The following JHY variants were observed in gnomAD, a reference collection of about 807,000 sequenced individuals.
JHY encodes the protein jhy protein homolog.
In JHY, 69 loss-of-function variants were observed where a neutral mutation model predicts 78.0. That is an observed-to-expected ratio of 0.88 (90% CI 0.73 to 1.08). The LOEUF is 1.08. Ranked by LOEUF, JHY falls within the 50% of genes least tolerant of loss-of-function variation. The pLI, the probability that JHY is intolerant of heterozygous loss-of-function variation, is 0.00. For synonymous variants in JHY, 368 were observed against 342.6 expected (o/e 1.07, Z -0.82); for missense variants, 944 against 927.8 (o/e 1.02, Z -0.23).
rs1227365732 is a variant in JHY at position 122,924,913 on chromosome 11, G to C, written c.881G>C (p.Arg294Thr). 2 of 1,613,690 alleles carry C rather than the reference G, an allele frequency of 1.2e-6. No homozygotes were observed. The highest frequency in any genetic ancestry group is 2.2e-5 in the East Asian group (1 of 44,870). Residue 294 changes from arginine to threonine, a missense_variant, in exon 4 of 9, where the codon AGA becomes ACA. Transcript: ENST00000227349. The stretch of plus-strand genomic sequence containing the variant: ...CCTACCTAGATCTCCTACCCCGTCA[G>C]AGTAACAGACAAGACGTCTATTCAG... ...SHPEQISYPV[R>T]VTDKTSIQNA...
intron 3 of JHY, among the ~76,000 whole-genome samples, chr11:122,915,999 A>G (rs1335225439): frequency 2.0e-5 from 3 of 151,936 alleles, no homozygotes; most frequent in East Asian, 1.9e-4. Context: ...TGGAGGTAAA[A>G]GGCAGAATGA....
rs1863462749 is a variant in JHY at position 122,924,927 on chromosome 11, A to G, written c.895A>G (p.Thr299Ala). 6.2e-7 allele frequency: 1 copy of G among 1,613,984 alleles called. No homozygotes were observed. Among genetic ancestry groups the G allele is most frequent in the Non-Finnish European group, 8.5e-7 (1 of 1,179,886 alleles). The change falls in exon 4 of 9, where the codon ACG (threonine) becomes GCG (alanine). Residue 299 changes from threonine (T) to alanine (A), a missense_variant. Thr to Ala is a moderately conservative substitution (Grantham distance 58). Coordinates refer to ENST00000227349, the MANE Select transcript of JHY (RefSeq NM_024806.4). Reference protein sequence around the residue: ...ISYPVRVTDKTSIQNAKEMEN... With the variant: ...ISYPVRVTDKASIQNAKEMEN... ...CTACCCCGTCAGAGTAACAGACAAG[A>G]CGTCTATTCAGAATGCCAAGGAAAT...
intron 3 of JHY, among the ~76,000 whole-genome samples, chr11:122,907,238 A>G (rs894728613): frequency 6.7e-6 from 1 of 150,318 alleles, no homozygotes; most frequent in Non-Finnish European, 1.5e-5. Flanking sequence ...AGTCAGTAGC[A>G]TAAACTGATG....
chr11:122,933,447 T>G (rs77423804), intron 4 of JHY, among the ~76,000 whole-genome samples: 1 of 152,384 alleles, frequency 6.6e-6, no homozygotes, highest in South Asian at 2.1e-4. Flanking sequence ...GCTTTATTCC[T>G]TGGAAAATAT....
chr11:122,944,968 T>C (rs1863935378), intron 5 of JHY, among the ~76,000 whole-genome samples: 1 of 152,160 alleles, frequency 6.6e-6, no homozygotes, highest in South Asian at 2.1e-4. Context: ...AGGTATGAAA[T>C]TTTTAATTCT....
At chr11:122,919,798 G>A (rs1033148108) in intron 3 of JHY, among the ~76,000 whole-genome samples, 4 of 152,126 alleles carry the variant, frequency 2.6e-5, no homozygotes, top group Non-Finnish European at 5.9e-5. Context: ...GGCTAACATG[G>A]CGAAACCCCG....
intron 2 of JHY, among the ~76,000 whole-genome samples, chr11:122,890,300 C>A (rs1862584075): frequency 6.6e-6 from 1 of 152,066 alleles, no homozygotes; most frequent in African/African-American, 2.4e-5. Context: ...CTATCATGAT[C>A]CCATTTTGAA....
chr11:122,948,810 G>A (rs892192560), intron 6 of JHY, among the ~76,000 whole-genome samples: 4 of 152,174 alleles, frequency 2.6e-5, no homozygotes, highest in Non-Finnish European at 5.9e-5. Flanking sequence ...AGCAGGCTGG[G>A]CGCGGTGGCT....
rs779370481 is a variant in JHY at position 122,886,188 on chromosome 11, T to C, written c.339T>C (p.Asn113=). Residue 113 remains asparagine (N), a synonymous_variant, in exon 2 of 9, where the codon AAT becomes AAC. Transcript: ENST00000227349. ...QNHHTWDQGA[N]NRQQPIEDKY... is the part of the protein sequence containing the mutation. ...ACCATACCTGGGACCAGGGCGCCAA[T>C]AACAGGTAAGGAATTGGCTTGTGTA... 2 of 1,608,612 alleles carry C rather than the reference T, an allele frequency of 1.2e-6. No homozygotes were observed. The highest frequency in any genetic ancestry group is 1.7e-6 in the Non-Finnish European group (2 of 1,177,104).
chr11:122,912,797 C>T (rs1028239049), intron 3 of JHY, among the ~76,000 whole-genome samples: 1 of 152,030 alleles, frequency 6.6e-6, no homozygotes, highest in Non-Finnish European at 1.5e-5. Context: ...ACCTCACCTT[C>T]CTCATCTATA....
Position 122,960,932 on chromosome 11 carries a change from T to C in JHY, c.*1487T>C, listed in dbSNP as rs1265684491. The C allele has an allele frequency of 5.6e-6, 4 of 716,622 alleles. No homozygotes were observed. The highest frequency in any genetic ancestry group is 1.7e-5 in the African/African-American group (1 of 57,374). The allele number at this position is 716,622 out of a possible 1,614,324, so 44.4% of individuals were successfully genotyped here. ...AAGTAAAGAATCGCCTGGACTATCA[T>C]ATATCTGTGCAGAACATGATGCGTT... On this transcript the variant is annotated 3_prime_UTR_variant, in exon 9 of 9. Coordinates refer to ENST00000227349, the MANE Select transcript of JHY (RefSeq NM_024806.4).
intron 4 of JHY, among the ~76,000 whole-genome samples, chr11:122,926,474 A>G (rs1311530373): frequency 1.3e-5 from 2 of 151,982 alleles, no homozygotes; most frequent in African/African-American, 4.8e-5. Flanking sequence ...TTTCCTCTCC[A>G]GTGGACTCCA....
In JHY at chr11:122,957,362, G is replaced by A; in HGVS notation, c.2011-1G>A. On this transcript the variant is annotated splice_acceptor_variant, in intron 7 of 8. Coordinates refer to ENST00000227349, the MANE Select transcript of JHY (RefSeq NM_024806.4). LOFTEE classifies it high-confidence loss of function. ...CATCATAACTTTGTTTCTCTGAACA[G>A]ACGCAAAAATTAATACAGCAAAAGG... The A allele has an allele frequency of 6.6e-7, 1 of 1,524,576 alleles. No individual in the cohort carries two copies. Among genetic ancestry groups the A allele is most frequent in the Non-Finnish European group, 8.7e-7 (1 of 1,149,158 alleles). 94.4% of individuals were successfully genotyped at this position (1,524,576 alleles called of 1,614,324 possible).
chr11:122,925,936 G>A (rs1863488097), intron 4 of JHY, among the ~76,000 whole-genome samples: 1 of 151,848 alleles, frequency 6.6e-6, no homozygotes, highest in Non-Finnish European at 1.5e-5. Flanking sequence ...AGAATCACTT[G>A]AACCTGGAAG....
intron 4 of JHY, among the ~76,000 whole-genome samples, chr11:122,933,191 C>G (rs1346267889): frequency 6.6e-6 from 1 of 152,152 alleles, no homozygotes; most frequent in Non-Finnish European, 1.5e-5. Context: ...CTGAACTCAT[C>G]ACAGTAATTT....
intron 3 of JHY, among the ~76,000 whole-genome samples, chr11:122,923,696 T>A (rs1863426196): frequency 6.8e-6 from 1 of 147,898 alleles, no homozygotes; most frequent in Non-Finnish European, 1.5e-5. Context: ...GGGAGCTTTT[T>A]ATTTATTTAT....
In JHY at chr11:122,917,641, C is replaced by T. The variant is rs1863259756; in HGVS notation, c.865-7256C>T. On this transcript the variant is annotated intron_variant, in intron 3 of 8. Transcript: ENST00000227349. The surrounding 1 kb of genome is among the most constrained non-coding windows in gnomAD (Gnocchi z 4.1). ...CCTATGTTAAAATGTTAGGCCTTTC[C>T]TCTAAGTCATCTGAATTCATTGAAG... Among the ~76,000 whole-genome samples the T allele has an allele frequency of 6.6e-6, 1 of 152,198 alleles. No individual in the cohort carries two copies. Among genetic ancestry groups the T allele is most frequent in the Admixed American group, 6.5e-5 (1 of 15,278 alleles).
intron 4 of JHY, among the ~76,000 whole-genome samples, chr11:122,926,187 CAAAAAAAAAA>C (rs574945272): frequency 7.5e-5 from 3 of 40,096 alleles, no homozygotes; most frequent in Non-Finnish European, 1.1e-4. Flanking sequence ...GACTCCATCT[CAAAAAAAAAA>C]AAAAAAAAAG....
intron 6 of JHY, among the ~76,000 whole-genome samples, chr11:122,950,463 T>C (rs561131460): frequency 3.7e-4 from 57 of 152,172 alleles, no homozygotes; most frequent in Non-Finnish European, 3.2e-4. Flanking sequence ...ATGCAAGCTT[T>C]TGAGCTCAAT....
Sources: allele counts gnomAD v4.1 joint callset (sites outside exome capture counted in the v4.1 genomes callset), GRCh38; gene constraint gnomAD v4.1.1; non-coding constraint Gnocchi (gnomAD v3.1); transcripts MANE v1.5; gene names NCBI Gene and HGNC (gene_info 2026-07-23, HGNC 2026-07-21).